Variants in ITSN1 observed in about 807,000 individuals in gnomAD.
The protein encoded by ITSN1 is intersectin 1.
In ITSN1, 58 loss-of-function variants were observed where a neutral mutation model predicts 239.8. The observed-to-expected ratio is 0.24, with a 90% CI of 0.20 to 0.30. ITSN1 has a LOEUF of 0.30. Ranked by LOEUF, ITSN1 falls within the 10% of genes least tolerant of loss-of-function variation. The pLI is 1.00. For missense variants in ITSN1, 1,558 were observed against 2,103.3 expected (o/e 0.74, Z 5.07); for synonymous variants, 780 against 770.8 (o/e 1.01, Z -0.20).
intron 34 of ITSN1, among the ~76,000 whole-genome samples, chr21:33,877,858 T>C (rs1246053688): frequency 2.3e-5 from 3 of 130,394 alleles, no homozygotes; most frequent in Admixed American, 1.5e-4. Context: ...TGTGTGTGTG[T>C]GTGCCAGTTT....
chr21:33,664,443 C>G (rs2089786939), intron 1 of ITSN1, among the ~76,000 whole-genome samples: 1 of 152,122 alleles, frequency 6.6e-6, no homozygotes, highest in Non-Finnish European at 1.5e-5. Flanking sequence ...AACTCACTCA[C>G]TCTTGGGGAG....
intron 22 of ITSN1, 117 bp from the exon 23 acceptor site, chr21:33,818,150 T>C: frequency 1.3e-6 from 1 of 763,874 alleles, no homozygotes; most frequent in South Asian, 1.7e-5. Flanking sequence ...CAGGGCCCTT[T>C]GTGGCTGTGT....
intron 1 of ITSN1, among the ~76,000 whole-genome samples, chr21:33,685,533 A>G (rs754278027): frequency 1.3e-5 from 2 of 151,968 alleles, no homozygotes; most frequent in African/African-American, 2.4e-5. Context: ...CTACCTCATA[A>G]TAGCTCTTAA....
At chr21:33,693,905 C>G (rs2091674129) in intron 1 of ITSN1, among the ~76,000 whole-genome samples, 1 of 152,204 alleles carries the variant, frequency 6.6e-6, no homozygotes, top group Admixed American at 6.5e-5. Flanking sequence ...ATTTACAACA[C>G]TTTATCCAGC....
At chr21:33,648,786 A>G (rs1484397685) in intron 1 of ITSN1, among the ~76,000 whole-genome samples, 1 of 152,086 alleles carries the variant, frequency 6.6e-6, no homozygotes, top group Non-Finnish European at 1.5e-5. Context: ...GAGGCTGCAG[A>G]TGCCACAGCA....
At chr21:33,883,411 G>A (rs878998818) in intron 35 of ITSN1, 139 bp from the exon 36 acceptor site, 13 of 1,130,702 alleles carry the variant, frequency 1.1e-5, no homozygotes, top group East Asian at 2.6e-5. Context: ...TGAAACACAC[G>A]CACGAGTGTG....
chr21:33,784,708 G>A (rs952227688), intron 16 of ITSN1, among the ~76,000 whole-genome samples: 3 of 152,240 alleles, frequency 2.0e-5, no homozygotes, highest in Admixed American at 2.0e-4. Flanking sequence ...ACAACTCAGA[G>A]ATGGATTTAT....
rs554932669 is a variant in ITSN1 at position 33,829,708 on chromosome 21, A to G, written c.3314A>G (p.Lys1105Arg). Residue 1105 changes from lysine (K) to arginine (R), a missense_variant, in exon 27 of 40, where the codon AAA becomes AGA. Lys to Arg is a conservative substitution (Grantham distance 26). This residue lies in a region of ITSN1 where 576 missense variants were observed against 893.3 expected (regional missense o/e 0.64). Transcript: ENST00000381318. Reference protein sequence around the residue: ...LAPGQLILIRKKNPGGWWEGE... With the variant: ...LAPGQLILIRRKNPGGWWEGE... ...CCTGGTCAGCTGATTTTGATCCGAA[A>G]AAAGAACCCAGGTGGATGGTGGGAA... 1 of 1,613,472 alleles carries G rather than the reference A, an allele frequency of 6.2e-7. No individual in the cohort carries two copies. The highest frequency in any genetic ancestry group is 1.3e-5 in the African/African-American group (1 of 75,008).
chr21:33,697,162 A>C (rs1185116911), intron 1 of ITSN1, among the ~76,000 whole-genome samples: 1 of 149,254 alleles, frequency 6.7e-6, no homozygotes, highest in Non-Finnish European at 1.5e-5. Context: ...GGCTCACTGC[A>C]ACCTCTAGCT....
At chr21:33,682,106 T>A (rs992840364) in intron 1 of ITSN1, among the ~76,000 whole-genome samples, 1 of 151,928 alleles carries the variant, frequency 6.6e-6, no homozygotes, top group Non-Finnish European at 1.5e-5. Flanking sequence ...ACAGAAAAAA[T>A]TTTAAATATG....
At chr21:33,722,544 G>GTTTTTTTTTTTTTTTTTTTTTTTTTT in intron 3 of ITSN1, 44 bp from the exon 4 acceptor site, 1 of 1,284,462 alleles carries the variant, frequency 7.8e-7, no homozygotes. Context: ...GTCAGCTGTT[G>GTTTTTTTTTTTTTTTTTTTTTTTTTT]TTTTTTTTTT....
Position 33,892,211 on chromosome 21 carries a change from C to T in ITSN1, c.*3911C>T, listed in dbSNP as rs1986408223. The T allele has an allele frequency of 6.6e-6, 1 of 152,212 alleles. No homozygotes were observed. Among genetic ancestry groups the T allele is most frequent in the South Asian group, 2.1e-4 (1 of 4,830 alleles). 9.4% of individuals were successfully genotyped at this position (152,212 alleles called of 1,614,324 possible). On this transcript the variant is annotated 3_prime_UTR_variant, in exon 40 of 40. Transcript: ENST00000381318. ...TTGCTTTTAGATAAAAGAGCTTTAG[C>T]TCACACCAGGCAGAAGCATAACCAG... is the stretch of plus-strand genomic sequence containing the variant.
chr21:33,754,857 A>G lies in ITSN1; in HGVS notation c.624-440A>G, dbSNP rs7281809. ...ATGGGTCCTGTATATTCACGTATAG[A>G]AAGTTAAAACATTTTGGAGAATTAG... On this transcript the variant is annotated intron_variant, in intron 7 of 39. Transcript: ENST00000381318. Among the ~76,000 whole-genome samples, 1,137 of 152,318 alleles carry G rather than the reference A, an allele frequency of 7.5e-3. 10 individuals are homozygous for G. Among genetic ancestry groups the G allele is most frequent in the African/African-American group, 0.026 (1,076 of 41,554 alleles).
chr21:33,767,092 C>T (rs2068779968), intron 10 of ITSN1, among the ~76,000 whole-genome samples: 2 of 152,078 alleles, frequency 1.3e-5, no homozygotes, highest in South Asian at 4.1e-4. Flanking sequence ...CGCTTGAGCC[C>T]AGGAGGCGGA....
intron 31 of ITSN1, among the ~76,000 whole-genome samples, chr21:33,860,022 G>A (rs1197610405): frequency 6.6e-6 from 1 of 152,170 alleles, no homozygotes; most frequent in Non-Finnish European, 1.5e-5. Flanking sequence ...CTACATAGAC[G>A]ATAGCTGGGC....
intron 1 of ITSN1, among the ~76,000 whole-genome samples, chr21:33,705,207 C>T (rs553857349): frequency 6.6e-6 from 1 of 150,892 alleles, no homozygotes; most frequent in Non-Finnish European, 1.5e-5. Context: ...TAGCTTTGTA[C>T]CGTACCTGGA....
chr21:33,882,190 C>T lies in ITSN1; in HGVS notation c.4342-53C>T, dbSNP rs1985049677. The T allele has an allele frequency of 2.0e-6, 3 of 1,507,798 alleles. No homozygotes were observed. The highest frequency in any genetic ancestry group is 2.8e-5 in the African/African-American group (2 of 72,580). 93.4% of individuals were successfully genotyped at this position (1,507,798 alleles called of 1,614,324 possible). A position where few individuals can be genotyped will look rare whatever the true frequency, so the allele number is the denominator to read the frequency against. Reference sequence around the variant, plus strand: ...CTGATTCTGATGGAGCCCATGCTTTCAGATGCGGAGAAACAAAAATGCTAC... The same window carrying T: ...CTGATTCTGATGGAGCCCATGCTTTTAGATGCGGAGAAACAAAAATGCTAC... On this transcript the variant is annotated intron_variant, in intron 34 of 39. Coordinates refer to ENST00000381318, the MANE Select transcript of ITSN1 (RefSeq NM_003024.3). This position sits in a 1 kb window ranked among gnomAD's most constrained non-coding sequence, Gnocchi z 4.5.
rs1318106201 is a variant in ITSN1 at position 33,755,303 on chromosome 21, A to G, written c.630A>G (p.Pro210=). The G allele has an allele frequency of 6.3e-7, 1 of 1,599,032 alleles. No individual in the cohort carries two copies. Among genetic ancestry groups the G allele is most frequent in the Non-Finnish European group, 8.6e-7 (1 of 1,168,606 alleles). The change falls in exon 8 of 40, where the codon CCA becomes CCG. Residue 210 remains proline, a synonymous_variant. Transcript: ENST00000381318. ...KAQSFDVASV[P]PVAEWAVPQS... The stretch of plus-strand genomic sequence containing the variant: ...CTTTTTCTTTTCCCCACAGTGTCCC[A>G]CCAGTGGCAGAGTGGGCTGTTCCTC...
chr21:33,730,968 T>A (rs1054906401), intron 4 of ITSN1, among the ~76,000 whole-genome samples: 22 of 152,204 alleles, frequency 1.4e-4, no homozygotes, highest in African/African-American at 5.3e-4. Context: ...AGTGCTGGGA[T>A]TAGAGGCATG....
Sources: gnomAD v4.1 joint callset for allele counts (sites outside exome capture counted in the v4.1 genomes callset) on GRCh38, gnomAD v4.1.1 for gene constraint, gnomAD v4.1.1 regional missense constraint, Gnocchi (gnomAD v3.1) non-coding constraint, MANE v1.5 for transcripts, NCBI Gene and HGNC (gene_info 2026-07-23, HGNC 2026-07-21) for gene names.